Variants in ASIC2 observed in about 807,000 individuals in gnomAD.
ASIC2 encodes the protein acid sensing ion channel subunit 2, also known as acid-sensing ion channel 2.
Under a neutral mutation model 57.3 loss-of-function variants are expected in ASIC2, and 25 were observed. That is an observed-to-expected ratio of 0.44 (90% CI 0.32 to 0.61). ASIC2 has a LOEUF of 0.61. Ranked by LOEUF, ASIC2 falls within the 20% of genes least tolerant of loss-of-function variation. The pLI is 0.06. For missense variants in ASIC2, 641 were observed against 738.1 expected, an observed-to-expected ratio of 0.87 and a Z score of 1.52; for synonymous variants, 319 against 307.5, an observed-to-expected ratio of 1.04 and a Z score of -0.39.
chr17:33,706,077 G>A (rs963424673), intron 1 of ASIC2, among the ~76,000 whole-genome samples: 4 of 151,688 alleles, frequency 2.6e-5, no homozygotes, highest in Non-Finnish European at 4.4e-5. Flanking sequence ...ACATATATAT[G>A]CACATGTATG....
intron 3 of ASIC2, among the ~76,000 whole-genome samples, chr17:33,064,176 C>T (rs1288715890): frequency 1.3e-5 from 2 of 152,234 alleles, no homozygotes; most frequent in South Asian, 2.1e-4. Context: ...AGTCATTCTC[C>T]ATCGAGCTTT....
intron 1 of ASIC2, among the ~76,000 whole-genome samples, chr17:34,028,721 C>G (rs573923826): frequency 1.1e-4 from 17 of 152,322 alleles, no homozygotes; most frequent in South Asian, 8.3e-4. Context: ...GAGATGAGCA[C>G]AGATCCTCAG....
intron 1 of ASIC2, among the ~76,000 whole-genome samples, chr17:33,258,646 T>C (rs1909167877): frequency 1.3e-5 from 2 of 152,164 alleles, no homozygotes. Context: ...GAGGTCTTAG[T>C]GGCTGCAACC....
intron 1 of ASIC2, among the ~76,000 whole-genome samples, chr17:33,503,962 A>C (rs1914175036): frequency 6.6e-6 from 1 of 152,246 alleles, no homozygotes; most frequent in Non-Finnish European, 1.5e-5. Context: ...AGCAACATGA[A>C]GAGAATGGGG....
rs141832756 is a variant in ASIC2 at position 33,770,281 on chromosome 17, G to A, written c.555+385697C>T. ...ATTCAGAGCAAGCCTTTGGAGTTGGGCAGGACACAGTTCAGAATTCACCTC... is the reference window on the plus strand; with the variant it reads ...ATTCAGAGCAAGCCTTTGGAGTTGGACAGGACACAGTTCAGAATTCACCTC... On this transcript the variant is annotated intron_variant, in intron 1 of 9. Transcript: ENST00000359872. Among the ~76,000 whole-genome samples the A allele has an allele frequency of 1.1e-4, 17 of 152,298 alleles. No homozygotes were observed. In the East Asian group the frequency reaches 2.7e-3, roughly 24 times the overall value.
chr17:34,140,353 C>G (rs1912240080), intron 1 of ASIC2, among the ~76,000 whole-genome samples: 1 of 152,168 alleles, frequency 6.6e-6, no homozygotes, highest in Non-Finnish European at 1.5e-5. Context: ...TAAGCGGCAT[C>G]TGTGTAAATT....
At position 33,023,362 on chromosome 17, in the gene ASIC2, C is replaced by A. The variant is rs113928707; in HGVS notation, c.1349+499G>T. 9.0e-3 allele frequency among the ~76,000 whole-genome samples: 1,370 copies of A among 151,916 alleles called. 24 individuals are homozygous for A. The highest frequency in any genetic ancestry group is 0.032 in the African/African-American group (1,319 of 41,422). ...AAAATTAGCTGGGCATGGTGGCGGG[C>A]GCCTGTAGTTCCAGCTGCTCGTGAA... On this transcript the variant is annotated intron_variant, in intron 6 of 9. Coordinates refer to ENST00000225823, the MANE Select transcript of ASIC2 (RefSeq NM_183377.2).
At chr17:33,360,379 G>A (rs2141930495) in intron 1 of ASIC2, among the ~76,000 whole-genome samples, 1 of 152,288 alleles carries the variant, frequency 6.6e-6, no homozygotes, top group Non-Finnish European at 1.5e-5. Flanking sequence ...CTTGTTGGGA[G>A]ACCCAGTGCT....
At chr17:33,306,971 G>GTATA (rs201237333) in intron 1 of ASIC2, among the ~76,000 whole-genome samples, 2 of 151,664 alleles carry the variant, frequency 1.3e-5, no homozygotes, top group African/African-American at 4.9e-5. Context: ...CCAGTGTACT[G>GTATA]TATATATCTA....
chr17:33,781,893 T>C (rs990730485), intron 1 of ASIC2, among the ~76,000 whole-genome samples: 3 of 152,206 alleles, frequency 2.0e-5, no homozygotes, highest in Admixed American at 6.5e-5. Flanking sequence ...CTTGTAGATA[T>C]AACTTGAGTG....
intron 1 of ASIC2, among the ~76,000 whole-genome samples, chr17:33,774,879 C>T (rs73984605): frequency 0.081 from 12,285 of 152,208 alleles, 570 homozygotes; most frequent in East Asian, 0.22. Flanking sequence ...TACTTCTTTT[C>T]GGGTACAATG....
At chr17:34,095,316 T>A (rs895330717) in intron 1 of ASIC2, among the ~76,000 whole-genome samples, 27 of 152,146 alleles carry the variant, frequency 1.8e-4, no homozygotes, top group African/African-American at 6.5e-4. Flanking sequence ...AGAACAAGAC[T>A]ACTCTTGGCC....
At chr17:33,746,654 A>C (rs1429041365) in intron 1 of ASIC2, among the ~76,000 whole-genome samples, 1 of 152,024 alleles carries the variant, frequency 6.6e-6, no homozygotes, top group Non-Finnish European at 1.5e-5. Flanking sequence ...CCACACTTTT[A>C]ATAATGGATA....
intron 1 of ASIC2, among the ~76,000 whole-genome samples, chr17:33,523,838 G>T (rs1914812758): frequency 1.3e-5 from 2 of 152,194 alleles, no homozygotes; most frequent in Admixed American, 1.3e-4. Flanking sequence ...TCACTGGGCT[G>T]CAATCTCAGA....
intron 1 of ASIC2, among the ~76,000 whole-genome samples, chr17:33,120,730 G>A (rs1218734103): frequency 6.6e-6 from 1 of 152,202 alleles, no homozygotes; most frequent in East Asian, 1.9e-4. Flanking sequence ...TTTCAAATGG[G>A]ACACAATGAC....
intron 2 of ASIC2, among the ~76,000 whole-genome samples, chr17:33,089,509 G>A (rs980257498): frequency 6.6e-5 from 10 of 152,298 alleles, no homozygotes; most frequent in Admixed American, 5.9e-4. Flanking sequence ...TTAAGATAAC[G>A]AATTTGTGTT....
intron 1 of ASIC2, among the ~76,000 whole-genome samples, chr17:33,872,597 AC>A (rs1369726701): frequency 7.2e-5 from 11 of 152,066 alleles, no homozygotes; most frequent in South Asian, 4.1e-4. Flanking sequence ...AGAATCTCAC[AC>A]CCCAGAGATC....
At chr17:33,485,511 T>C (rs1346550290) in intron 1 of ASIC2, among the ~76,000 whole-genome samples, 1 of 152,200 alleles carries the variant, frequency 6.6e-6, no homozygotes, top group Non-Finnish European at 1.5e-5. Flanking sequence ...ATCCTTCAAG[T>C]ACTTAAGCTT....
chr17:33,324,498 A>G (rs2142218931), intron 1 of ASIC2, among the ~76,000 whole-genome samples: 1 of 152,096 alleles, frequency 6.6e-6, no homozygotes, highest in East Asian at 1.9e-4. Flanking sequence ...AGCCCTGCAA[A>G]TATGAGGAGG....
Sources: gnomAD v4.1 joint callset for allele counts (sites outside exome capture counted in the v4.1 genomes callset) on GRCh38, gnomAD v4.1.1 for gene constraint, MANE v1.5 for transcripts, NCBI Gene and HGNC (gene_info 2026-07-23, HGNC 2026-07-21) for gene names.